Variants in SLC39A11 observed in about 807,000 individuals in gnomAD.
The protein encoded by SLC39A11 is solute carrier family 39 member 11.
In SLC39A11, 33 loss-of-function variants were observed where a neutral mutation model predicts 36.1. The observed-to-expected ratio is 0.91, with a 90% CI of 0.69 to 1.22. The LOEUF (loss-of-function observed/expected upper bound fraction) is 1.22, where lower values mean the gene tolerates loss of function less well. Among genes scored for constraint, SLC39A11 ranks in the 50% most tolerant of loss-of-function variants. The pLI, the probability that SLC39A11 is intolerant of heterozygous loss-of-function variation, is 0.00. For missense variants in SLC39A11, 432 were observed against 430.3 expected (o/e 1.00, Z -0.03); for synonymous variants, 166 against 170.3 (o/e 0.97, Z 0.20).
At chr17:73,008,546 A>T (rs2090325033) in intron 4 of SLC39A11, among the ~76,000 whole-genome samples, 1 of 152,208 alleles carries the variant, frequency 6.6e-6, no homozygotes, top group Non-Finnish European at 1.5e-5. Flanking sequence ...CACCAGGTTC[A>T]ACCTAATCAG....
At chr17:73,082,689 C>T (rs930377077) in intron 3 of SLC39A11, among the ~76,000 whole-genome samples, 1 of 152,086 alleles carries the variant, frequency 6.6e-6, no homozygotes, top group Non-Finnish European at 1.5e-5. Context: ...GATCCACCTT[C>T]AAAGGACAGG....
chr17:72,648,201 T>C (rs1223796583), intron 9 of SLC39A11, among the ~76,000 whole-genome samples: 1 of 151,262 alleles, frequency 6.6e-6, no homozygotes, highest in South Asian at 2.1e-4. Context: ...GTAGTGGTGG[T>C]TGCCTGTAGT....
chr17:72,697,580 C>T (rs1212863492), intron 7 of SLC39A11, among the ~76,000 whole-genome samples: 2 of 152,138 alleles, frequency 1.3e-5, no homozygotes, highest in Admixed American at 1.3e-4. Context: ...CCAAGTGTTC[C>T]AAACAATGAG....
At chr17:72,818,804 T>C (rs575436641) in intron 6 of SLC39A11, 2 of 152,334 alleles carry the variant, frequency 1.3e-5, no homozygotes, top group African/African-American at 4.8e-5. Context: ...AATTAGATTA[T>C]ATTTGGCTTA....
chr17:72,895,055 G>A (rs1025137336), intron 5 of SLC39A11, among the ~76,000 whole-genome samples: 2 of 152,142 alleles, frequency 1.3e-5, no homozygotes, highest in African/African-American at 4.8e-5. Context: ...ACAGAAGAAT[G>A]TTTCTTTGGT....
At chr17:73,024,083 T>C (rs4969005) in intron 4 of SLC39A11, among the ~76,000 whole-genome samples, 119,134 of 152,196 alleles carry the variant, frequency 0.78, 48,179 homozygotes, top group South Asian at 0.9. Context: ...AGCGAAATAA[T>C]ACAGATGTGT....
In SLC39A11 at chr17:73,055,902, G is replaced by A. The variant is rs75003017; in HGVS notation, c.148-24188C>T. ...CTGTCCATAAATGTCCCCTGACCAC[G>A]TTGCAGCCCTGGGCTTCTCAAGCCA... On this transcript the variant is annotated intron_variant, in intron 3 of 9. Coordinates refer to ENST00000255559, the MANE Select transcript of SLC39A11 (RefSeq NM_139177.4). 8.0e-3 allele frequency among the ~76,000 whole-genome samples: 1,215 copies of A among 152,250 alleles called. 19 individuals carry two copies. Among genetic ancestry groups the A allele is most frequent in the African/African-American group, 0.028 (1,161 of 41,552 alleles).
chr17:72,762,220 C>T (rs2075609045), intron 6 of SLC39A11, among the ~76,000 whole-genome samples: 1 of 152,210 alleles, frequency 6.6e-6, no homozygotes, highest in South Asian at 2.1e-4. Context: ...GCACAAGTTA[C>T]AGGTCGTAAA....
chr17:72,717,556 C>G (rs1360000696), intron 7 of SLC39A11, among the ~76,000 whole-genome samples: 1 of 152,248 alleles, frequency 6.6e-6, no homozygotes, highest in African/African-American at 2.4e-5. Context: ...CTCCACGTGT[C>G]CCTGTGTGGC....
intron 5 of SLC39A11, among the ~76,000 whole-genome samples, chr17:72,922,492 C>G (rs1200949296): frequency 6.6e-6 from 1 of 152,214 alleles, no homozygotes; most frequent in Non-Finnish European, 1.5e-5. Context: ...GAGATGTGTG[C>G]ATAAGCACAT....
intron 5 of SLC39A11, among the ~76,000 whole-genome samples, chr17:72,899,053 C>T (rs1320030653): frequency 6.6e-6 from 1 of 152,192 alleles, no homozygotes; most frequent in Non-Finnish European, 1.5e-5. Context: ...AAGCTTTATG[C>T]AGGAACTCCG....
chr17:72,789,314 A>G (rs73354729), intron 6 of SLC39A11, among the ~76,000 whole-genome samples: 6,906 of 152,212 alleles, frequency 0.045, 494 homozygotes, highest in African/African-American at 0.15. Context: ...CTGCAGTGTA[A>G]TATTTACCCT....
chr17:72,655,432 A>T (rs1265040212), intron 7 of SLC39A11, among the ~76,000 whole-genome samples: 1 of 152,216 alleles, frequency 6.6e-6, no homozygotes, highest in African/African-American at 2.4e-5. Flanking sequence ...GAGCACCGGC[A>T]AATGCCGATG....
intron 3 of SLC39A11, among the ~76,000 whole-genome samples, chr17:73,048,066 C>A (rs1160365793): frequency 7.8e-6 from 1 of 127,780 alleles, no homozygotes; most frequent in Non-Finnish European, 1.6e-5. Flanking sequence ...CATTTAGATT[C>A]TTTTAATTTC....
chr17:72,725,330 C>T (rs577925024), intron 7 of SLC39A11, among the ~76,000 whole-genome samples: 35 of 152,060 alleles, frequency 2.3e-4, no homozygotes, highest in African/African-American at 4.1e-4. Context: ...TACCCCTCTA[C>T]GTAGGGTCAC....
intron 6 of SLC39A11, among the ~76,000 whole-genome samples, chr17:72,738,634 A>G (rs1193118233): frequency 6.6e-6 from 1 of 152,218 alleles, no homozygotes; most frequent in African/African-American, 2.4e-5. Flanking sequence ...CGCTTCTGAC[A>G]TCTGTGAAGA....
At chr17:72,657,719 C>T (rs1279790405) in intron 7 of SLC39A11, among the ~76,000 whole-genome samples, 1 of 152,216 alleles carries the variant, frequency 6.6e-6, no homozygotes. Context: ...TAGTCAGAAA[C>T]AGGGTAGGTG....
At chr17:72,808,877 A>G (rs980698647) in intron 6 of SLC39A11, among the ~76,000 whole-genome samples, 2 of 152,038 alleles carry the variant, frequency 1.3e-5, no homozygotes, top group Non-Finnish European at 2.9e-5. Flanking sequence ...TGCATTCCCA[A>G]GCCCCCTGCC....
chr17:72,868,042 C>T (rs949149857), intron 5 of SLC39A11, among the ~76,000 whole-genome samples: 3 of 152,200 alleles, frequency 2.0e-5, no homozygotes, highest in African/African-American at 7.2e-5. Flanking sequence ...CCTGGAACAC[C>T]TTATAGAAGT....
Sources: allele counts gnomAD v4.1 joint callset (sites outside exome capture counted in the v4.1 genomes callset), GRCh38; gene constraint gnomAD v4.1.1; transcripts MANE v1.5; gene names NCBI Gene and HGNC (gene_info 2026-07-23, HGNC 2026-07-21).